CAST: variants seen among roughly 807,000 people sequenced by gnomAD.
CAST encodes calpastatin.
Under a neutral mutation model 119.6 loss-of-function variants are expected in CAST, and 76 were observed. The observed-to-expected ratio is 0.64, with a 90% CI of 0.53 to 0.77. The LOEUF (loss-of-function observed/expected upper bound fraction) is 0.77. Among genes scored for constraint, CAST ranks in the 30% least tolerant of loss-of-function variants. The pLI, the probability that CAST is intolerant of heterozygous loss-of-function variation, is 0.00. For missense variants in CAST, 953 were observed against 946.5 expected, an observed-to-expected ratio of 1.01 and a Z score of -0.09; for synonymous variants, 319 against 331.6, an observed-to-expected ratio of 0.96 and a Z score of 0.41.
the CAST span, among the ~76,000 whole-genome samples, chr5:96,407,167 A>G: frequency 2.0e-5 from 3 of 152,344 alleles, no homozygotes; most frequent in South Asian, 6.2e-4. Flanking sequence ...CCTTAAAGAA[A>G]CAGACTGACA....
chr5:96,753,175 T>G (rs1028575241), intron 20 of CAST, among the ~76,000 whole-genome samples: 2 of 152,048 alleles, frequency 1.3e-5, no homozygotes, highest in African/African-American at 4.8e-5. Context: ...TAAAAACTTT[T>G]TGTAAAGATG....
intron 1 of CAST, among the ~76,000 whole-genome samples, chr5:96,656,221 T>G (rs1019076799): frequency 2.8e-4 from 42 of 152,248 alleles, no homozygotes; most frequent in Admixed American, 7.2e-4. Context: ...TACTGAGAAC[T>G]TTACTTAAGA....
At chr5:96,521,111 T>C (rs182180600), upstream of CAST, among the ~76,000 whole-genome samples, 290 of 152,332 alleles carry the variant, frequency 1.9e-3, 4 homozygotes, top group Non-Finnish European at 5.3e-4. Flanking sequence ...ATGTTATGTT[T>C]GCCTCTTCCA....
the CAST span, among the ~76,000 whole-genome samples, chr5:96,337,930 T>C: frequency 6.6e-6 from 1 of 152,234 alleles, no homozygotes; most frequent in South Asian, 2.1e-4. Context: ...CATTAGTACT[T>C]GAAATTTTTC....
chr5:96,459,238 G>T, the CAST span, among the ~76,000 whole-genome samples: 1 of 152,078 alleles, frequency 6.6e-6, no homozygotes, highest in African/African-American at 2.4e-5. Context: ...GCTGGTTAGG[G>T]TGCTCCCGTC....
In CAST at chr5:96,729,593, C is replaced by T. The variant is rs1234573987; in HGVS notation, c.436-19C>T. On this transcript the variant is annotated intron_variant, in intron 7 of 31. Transcript: ENST00000675179. ...CAATGTCTTTATATGTGTGTGGGCACCTGTGTGTGTACTTTCAGCCAAAAA... is the reference window on the plus strand; with the variant it reads ...CAATGTCTTTATATGTGTGTGGGCATCTGTGTGTGTACTTTCAGCCAAAAA... 1.0e-6 allele frequency: 1 copy of T among 962,760 alleles called. No homozygotes were observed. Among genetic ancestry groups the T allele is most frequent in the Admixed American group, 1.7e-5 (1 of 58,808 alleles). The allele number at this position is 962,760 out of a possible 1,614,324, so 59.6% of individuals were successfully genotyped here. A position where few individuals can be genotyped will look rare whatever the true frequency, so the allele number is the denominator to read the frequency against.
the CAST span, among the ~76,000 whole-genome samples, chr5:95,984,222 C>A: frequency 6.6e-6 from 1 of 152,098 alleles, no homozygotes; most frequent in Non-Finnish European, 1.5e-5. Flanking sequence ...CTTGTTGAGG[C>A]TGGAGGTGTT....
At chr5:95,975,008 G>A in the CAST span, among the ~76,000 whole-genome samples, 1 of 152,068 alleles carries the variant, frequency 6.6e-6, no homozygotes, top group African/African-American at 2.4e-5. Flanking sequence ...TGAAGGAGGA[G>A]GACTGTGATT....
chr5:96,111,152 A>G, the CAST span: 7 of 152,340 alleles, frequency 4.6e-5, no homozygotes, highest in East Asian at 1.3e-3. Flanking sequence ...ATTTGCTATA[A>G]CCACTCACAG....
the CAST span, among the ~76,000 whole-genome samples, chr5:96,396,108 C>T: frequency 6.6e-6 from 1 of 151,966 alleles, no homozygotes; most frequent in South Asian, 2.1e-4. Flanking sequence ...TCTTTTTTTG[C>T]TCTATGAGAG....
intron 28 of CAST, 112 bp from the exon 29 acceptor site, chr5:96,767,795 C>A: frequency 1.5e-6 from 1 of 673,306 alleles, no homozygotes; most frequent in Non-Finnish European, 2.6e-6. Context: ...GAATGTCAGT[C>A]AGTTTTTTTC....
At chr5:96,340,507 G>C in the CAST span, among the ~76,000 whole-genome samples, 1 of 152,158 alleles carries the variant, frequency 6.6e-6, no homozygotes, top group Non-Finnish European at 1.5e-5. Flanking sequence ...TTTTAGTAAG[G>C]ATTGAATCAG....
At chr5:96,534,498 A>G (rs1311146159) in intron 1 of CAST, among the ~76,000 whole-genome samples, 1 of 151,482 alleles carries the variant, frequency 6.6e-6, no homozygotes, top group Non-Finnish European at 1.5e-5. Flanking sequence ...GCGAAACCCC[A>G]TCTCTACTAA....
At chr5:95,966,672 G>A in the CAST span, among the ~76,000 whole-genome samples, 14 of 152,322 alleles carry the variant, frequency 9.2e-5, no homozygotes, top group African/African-American at 3.4e-4. Flanking sequence ...AAGGCTAGGT[G>A]GCCAGGGCTA....
chr5:96,524,224 C>T (rs964516543), upstream of CAST, among the ~76,000 whole-genome samples: 8 of 152,172 alleles, frequency 5.3e-5, no homozygotes, highest in Non-Finnish European at 7.4e-5. Context: ...GCCACTAAGC[C>T]GTGTGTTCCC....
At chr5:96,142,785 G>A in the CAST span, among the ~76,000 whole-genome samples, 14 of 152,164 alleles carry the variant, frequency 9.2e-5, no homozygotes, top group African/African-American at 3.4e-4. Context: ...AACATGATTT[G>A]TGTGAGGCTT....
chr5:96,652,527 C>T (rs1464198633), intron 1 of CAST, among the ~76,000 whole-genome samples: 1 of 152,162 alleles, frequency 6.6e-6, no homozygotes, highest in African/African-American at 2.4e-5. Flanking sequence ...CCAATCAGCT[C>T]ACAGCACACC....
the CAST span, among the ~76,000 whole-genome samples, chr5:96,208,566 C>T: frequency 1.3e-5 from 2 of 151,870 alleles, no homozygotes; most frequent in African/African-American, 2.4e-5. Context: ...CTGATTTTTG[C>T]TTTAATTTCA....
chr5:96,425,700 A>G, the CAST span: 7 of 695,188 alleles, frequency 1.0e-5, no homozygotes, highest in African/African-American at 1.8e-5. Flanking sequence ...TCTCCAGACA[A>G]TATAGCTCCC....
Sources: allele counts gnomAD v4.1 joint callset (sites outside exome capture counted in the v4.1 genomes callset), GRCh38; gene constraint gnomAD v4.1.1; transcripts MANE v1.5; gene names NCBI Gene and HGNC (gene_info 2026-07-23, HGNC 2026-07-21).